The following CDIN1 variants were observed in gnomAD, a reference collection of about 807,000 sequenced individuals.
The protein encoded by CDIN1 is CDAN1 interacting nuclease 1.
CDIN1 carries 33 observed loss-of-function variants against 45.3 expected under a neutral mutation model. That is an observed-to-expected ratio of 0.73 (90% CI 0.55 to 0.97). CDIN1 has a LOEUF of 0.97. Ranked by LOEUF, CDIN1 falls within the 50% of genes least tolerant of loss-of-function variation. CDIN1 has a pLI of 0.00. For missense variants in CDIN1, 303 were observed against 339.4 expected, an observed-to-expected ratio of 0.89 and a Z score of 0.84; for synonymous variants, 118 against 124.4, an observed-to-expected ratio of 0.95 and a Z score of 0.34.
intron 1 of CDIN1, among the ~76,000 whole-genome samples, chr15:36,631,060 A>G (rs1211808188): frequency 2.0e-5 from 3 of 152,178 alleles, no homozygotes; most frequent in Non-Finnish European, 4.4e-5. Context: ...CCTACCAGAA[A>G]TTTGCAAAAG....
Position 36,764,834 on chromosome 15 carries a change from A to G in CDIN1, c.717-43490A>G, listed in dbSNP as rs147193672. Among the ~76,000 whole-genome samples the G allele has an allele frequency of 6.7e-3, 1,024 of 152,268 alleles. 11 individuals carry two copies. Among genetic ancestry groups the G allele is most frequent in the African/African-American group, 0.02 (850 of 41,554 alleles). On this transcript the variant is annotated intron_variant, in intron 10 of 10. Transcript: ENST00000566621. ...GAAGTGTCCAGTGCAACTTTTTAAG[A>G]GGAACAGACACATGCCCTTCTTTGC... is the stretch of plus-strand genomic sequence containing the variant.
In CDIN1 at chr15:36,644,343, G is replaced by A. The variant is rs779654705; in HGVS notation, c.147+20G>A. On this transcript the variant is annotated intron_variant, in intron 2 of 10. Transcript: ENST00000566621. ...TACCAGGTTAGAAGTTTTCTCCTTT[G>A]TGAGGGTTGACAGGTGCCTAATTGA... 13 of 1,609,984 alleles carry A rather than the reference G, an allele frequency of 8.1e-6. No homozygotes were observed. In the East Asian group the frequency reaches 2.7e-4, roughly 33 times the overall value.
chr15:36,581,427 G>A (rs2037039721), intron 1 of CDIN1, among the ~76,000 whole-genome samples: 1 of 152,028 alleles, frequency 6.6e-6, no homozygotes. Flanking sequence ...CTTCTGTCTG[G>A]TGTATTCTCT....
intron 10 of CDIN1, among the ~76,000 whole-genome samples, chr15:36,788,107 T>TATATATATATA (rs1491341068): frequency 4.4e-5 from 2 of 45,342 alleles, no homozygotes; most frequent in African/African-American, 1.9e-4. Flanking sequence ...TATATATATA[T>TATATATATATA]TTTTTTTTTT....
chr15:36,628,632 C>G (rs1440616596), intron 1 of CDIN1, among the ~76,000 whole-genome samples: 2 of 152,056 alleles, frequency 1.3e-5, no homozygotes, highest in East Asian at 3.9e-4. Flanking sequence ...TGAGTTGATT[C>G]TGTGATGAGT....
At chr15:36,692,207 A>G (rs1352525957) in intron 7 of CDIN1, 32 bp downstream of exon 7, 12 of 1,603,682 alleles carry the variant, frequency 7.5e-6, no homozygotes, top group Admixed American at 5.0e-5. Context: ...TAGGTGCGCA[A>G]TTGACGAGCT....
intron 10 of CDIN1, among the ~76,000 whole-genome samples, chr15:36,766,645 T>C (rs576367353): frequency 9.8e-4 from 150 of 152,368 alleles, no homozygotes; most frequent in African/African-American, 3.5e-3. Context: ...CTTTGTGGTT[T>C]TGACGTGCAA....
At chr15:36,645,359 G>T (rs951088454) in intron 3 of CDIN1, 72 bp downstream of exon 3, 11 of 1,243,830 alleles carry the variant, frequency 8.8e-6, no homozygotes, top group South Asian at 3.0e-5. Flanking sequence ...GAATAAGTTA[G>T]GTTATTAATT....
chr15:36,688,791 T>C (rs566183717), intron 5 of CDIN1, among the ~76,000 whole-genome samples: 1 of 152,346 alleles, frequency 6.6e-6, no homozygotes, highest in Non-Finnish European at 1.5e-5. Context: ...GAGATGGCAG[T>C]TCCTAAGCTT....
intron 5 of CDIN1, among the ~76,000 whole-genome samples, chr15:36,660,595 A>T (rs1162023448): frequency 6.6e-6 from 1 of 152,182 alleles, no homozygotes; most frequent in Non-Finnish European, 1.5e-5. Context: ...TTAGGGTATG[A>T]TATATACATT....
intron 3 of CDIN1, among the ~76,000 whole-genome samples, chr15:36,652,111 C>G (rs984302751): frequency 2.0e-5 from 3 of 152,212 alleles, no homozygotes; most frequent in African/African-American, 7.2e-5. Flanking sequence ...GAGTGTCACT[C>G]CCTCAGAGAG....
intron 10 of CDIN1, among the ~76,000 whole-genome samples, chr15:36,780,409 C>T (rs2054321098): frequency 6.6e-6 from 1 of 152,128 alleles, no homozygotes; most frequent in Non-Finnish European, 1.5e-5. Flanking sequence ...ATGTTTTAAC[C>T]AATGGCTGCC....
At chr15:36,725,625 T>C (rs1243803797) in intron 10 of CDIN1, among the ~76,000 whole-genome samples, 1 of 152,194 alleles carries the variant, frequency 6.6e-6, no homozygotes, top group African/African-American at 2.4e-5. Flanking sequence ...GTGTACATAA[T>C]GTGTTAAAAG....
intron 1 of CDIN1, among the ~76,000 whole-genome samples, chr15:36,615,468 C>T (rs990302479): frequency 3.3e-5 from 5 of 151,830 alleles, no homozygotes; most frequent in African/African-American, 1.2e-4. Flanking sequence ...AGAACCAGTC[C>T]CTCCAAAAAT....
chr15:36,657,988 T>A, intron 5 of CDIN1, 83 bp downstream of exon 5: 1 of 1,188,802 alleles, frequency 8.4e-7, no homozygotes, highest in Non-Finnish European at 1.2e-6. Context: ...TCAAGTCACT[T>A]AATGAGAGCC....
chr15:36,700,681 A>C (rs1248040094), intron 8 of CDIN1, among the ~76,000 whole-genome samples: 1 of 151,648 alleles, frequency 6.6e-6, no homozygotes, highest in Admixed American at 6.6e-5. Flanking sequence ...GACACCATTA[A>C]GAATTTTAAA....
intron 10 of CDIN1, among the ~76,000 whole-genome samples, chr15:36,748,727 T>G (rs945376907): frequency 1.3e-5 from 2 of 152,144 alleles, no homozygotes; most frequent in African/African-American, 4.8e-5. Context: ...TTGGGATTAT[T>G]TCAAAGCAAA....
At chr15:36,696,410 C>T (rs1280918878) in intron 7 of CDIN1, 1 of 152,154 alleles carries the variant, frequency 6.6e-6, no homozygotes, top group East Asian at 1.9e-4. Context: ...GGAAGTGAAA[C>T]AAAGAAGTTT....
At chr15:36,687,761 C>G (rs539112471) in intron 5 of CDIN1, among the ~76,000 whole-genome samples, 1 of 152,126 alleles carries the variant, frequency 6.6e-6, no homozygotes, top group Admixed American at 6.5e-5. Flanking sequence ...AAAATCTTAA[C>G]CTACTAGACA....
Sources: gnomAD v4.1 joint callset for allele counts (sites outside exome capture counted in the v4.1 genomes callset) on GRCh38, gnomAD v4.1.1 for gene constraint, MANE v1.5 for transcripts, NCBI Gene and HGNC (gene_info 2026-07-23, HGNC 2026-07-21) for gene names.